The following UNC79 variants were observed in gnomAD, a reference collection of about 807,000 sequenced individuals.
UNC79 encodes the protein protein unc-79 homolog.
In UNC79, 37 loss-of-function variants were observed where a neutral mutation model predicts 283.1. The observed-to-expected ratio is 0.13, with a 90% confidence interval of 0.10 to 0.17. UNC79 has a LOEUF of 0.17. UNC79 is among the 10% of genes least tolerant of loss of function. UNC79 has a pLI of 1.00. For missense variants in UNC79, 2,272 were observed against 3,211.1 expected, an observed-to-expected ratio of 0.71 and a Z score of 7.07; for synonymous variants, 1,107 against 1,200.2, an observed-to-expected ratio of 0.92 and a Z score of 1.61.
At chr14:93,655,117 A>T in intron 37 of UNC79, 117 bp from the exon 41 acceptor site, 1 of 1,106,522 alleles carries the variant, frequency 9.0e-7, no homozygotes, top group Non-Finnish European at 1.3e-6. Context: ...CCTATGTAGT[A>T]GGCACTGAAC....
At chr14:93,420,833 A>C (rs1221511817) in intron 1 of UNC79, among the ~76,000 whole-genome samples, 2 of 151,784 alleles carry the variant, frequency 1.3e-5, no homozygotes, top group Non-Finnish European at 2.9e-5. Flanking sequence ...CGTGGAAATT[A>C]AGCAATATAC....
At chr14:93,598,615 G>T (rs1244839574) in intron 24 of UNC79, among the ~76,000 whole-genome samples, 1 of 151,828 alleles carries the variant, frequency 6.6e-6, no homozygotes, top group Middle Eastern at 3.2e-3. Context: ...TCCGCCTCCC[G>T]GGTTCAAGTG....
At chr14:93,538,662 G>A (rs2061206380) in intron 12 of UNC79, among the ~76,000 whole-genome samples, 6 of 152,026 alleles carry the variant, frequency 3.9e-5, no homozygotes, top group Admixed American at 3.9e-4. Context: ...GGCAACAAGG[G>A]CGAATTACCT....
rs1044730558 is a variant in UNC79, at chr14:93,531,175, T to C, written c.1094-1375T>C. Among the ~76,000 whole-genome samples the C allele has an allele frequency of 6.6e-6, 1 of 152,212 alleles. No individual in the cohort carries two copies. Among genetic ancestry groups the C allele is most frequent in the Non-Finnish European group, 1.5e-5 (1 of 68,038 alleles). On this transcript the variant is annotated intron_variant, in intron 10 of 48. Transcript: ENST00000555664. This position sits in a 1 kb window ranked among gnomAD's most constrained non-coding sequence, Gnocchi z 4.2. ...ATTGGCAATAACTTTTCATTACTTA[T>C]ACAGACATGTGACACTAACCTCAGA...
intron 37 of UNC79, among the ~76,000 whole-genome samples, chr14:93,654,474 AT>A (rs2070689598): frequency 1.5e-5 from 2 of 137,414 alleles, no homozygotes; most frequent in African/African-American, 6.4e-5. Context: ...CCAAGTTGTA[AT>A]GGCTACATTA....
At chr14:93,522,607 G>C (rs1410066127) in intron 7 of UNC79, among the ~76,000 whole-genome samples, 1 of 151,980 alleles carries the variant, frequency 6.6e-6, no homozygotes, top group African/African-American at 2.4e-5. Flanking sequence ...TACCATATAT[G>C]GGAAACTAAT....
intron 30 of UNC79, among the ~76,000 whole-genome samples, chr14:93,625,848 T>C: frequency 6.6e-6 from 1 of 152,214 alleles, no homozygotes; most frequent in African/African-American, 2.4e-5. Flanking sequence ...ATCAGATGAA[T>C]GTGACTGGGT....
At chr14:93,381,891 T>C (rs558773944) in intron 1 of UNC79, among the ~76,000 whole-genome samples, 1 of 152,266 alleles carries the variant, frequency 6.6e-6, no homozygotes, top group African/African-American at 2.4e-5. Context: ...TTGACTCTTA[T>C]CAGCCTGGCC....
rs989234232 is a variant in UNC79, at chr14:93,594,278, G to GT, written c.3190+450dup. ...GATGCCAGAAATTGAGGTTTTTTGT[G>GT]TTTTTTTTTGAGACAGAGTCTTGCT... is the stretch of plus-strand genomic sequence containing the variant. On this transcript the variant is annotated intron_variant, in intron 23 of 48. Transcript: ENST00000555664. 2.9e-3 allele frequency among the ~76,000 whole-genome samples: 431 copies of GT among 150,924 alleles called. 3 individuals carry two copies. Among genetic ancestry groups the GT allele is most frequent in the African/African-American group, 8.8e-3 (363 of 41,156 alleles).
chr14:93,360,343 T>C (rs1169754559), intron 1 of UNC79, among the ~76,000 whole-genome samples: 2 of 152,372 alleles, frequency 1.3e-5, no homozygotes, highest in East Asian at 3.9e-4. Flanking sequence ...ATTTGAAATA[T>C]ACAGAGGTGG....
At chr14:93,624,857 C>T (rs1006803139) in intron 30 of UNC79, among the ~76,000 whole-genome samples, 3 of 152,100 alleles carry the variant, frequency 2.0e-5, no homozygotes, top group African/African-American at 7.2e-5. Flanking sequence ...GAGGCCCATA[C>T]ACTTGCCCCT....
Position 93,690,281 on chromosome 14 carries a change from T to C in UNC79, c.7250T>C (p.Ile2417Thr), listed in dbSNP as rs200508872. Reference sequence around the variant, plus strand: ...GCAGACCATCTTATTGTTATCCTGATTGGATTTCCAGAGCAATCAAAGGTA... The same window carrying C: ...GCAGACCATCTTATTGTTATCCTGACTGGATTTCCAGAGCAATCAAAGGTA... The change falls in exon 45 of 49, where the codon ATT (isoleucine) becomes ACT (threonine). Residue 2417 changes from isoleucine (I) to threonine (T), a missense_variant. Physicochemically the swap from Ile to Thr is moderately conservative, Grantham distance 89 (BLOSUM62 -1). This residue lies in a region of UNC79 where 225 missense variants were observed against 334.2 expected (regional missense o/e 0.67). Coordinates refer to ENST00000555664, the Ensembl canonical transcript of UNC79. The surrounding 1 kb of genome is among the most constrained non-coding windows in gnomAD (Gnocchi z 4.3). 1.4e-5 allele frequency: 22 copies of C among 1,613,890 alleles called. No individual in the cohort carries two copies. Among genetic ancestry groups the C allele is most frequent in the Non-Finnish European group, 1.9e-5 (22 of 1,179,936 alleles).
intron 4 of UNC79, among the ~76,000 whole-genome samples, chr14:93,483,846 A>G (rs901408679): frequency 1.3e-5 from 2 of 152,110 alleles, no homozygotes; most frequent in Non-Finnish European, 2.9e-5. Context: ...AGCTTCATCT[A>G]TGTCCCTACA....
intron 29 of UNC79, 74 bp downstream of exon 30, chr14:93,618,428 T>C: frequency 4.3e-6 from 6 of 1,381,704 alleles, no homozygotes; most frequent in Non-Finnish European, 4.7e-6. Context: ...TCTTAGGAGA[T>C]AGAAGAGTGT....
intron 1 of UNC79, among the ~76,000 whole-genome samples, chr14:93,366,538 C>G (rs2054337571): frequency 6.6e-6 from 1 of 151,292 alleles, no homozygotes; most frequent in Non-Finnish European, 1.5e-5. Flanking sequence ...TTAGTGTAAG[C>G]AAATACTAAG....
chr14:93,500,017 G>C (rs2059205421), intron 7 of UNC79, among the ~76,000 whole-genome samples: 1 of 152,116 alleles, frequency 6.6e-6, no homozygotes, highest in African/African-American at 2.4e-5. Context: ...GGTGAGCAGA[G>C]AGGCTGATAG....
At chr14:93,494,843 G>C (rs1202185971) in intron 5 of UNC79, among the ~76,000 whole-genome samples, 1 of 152,290 alleles carries the variant, frequency 6.6e-6, no homozygotes, top group East Asian at 1.9e-4. Context: ...TTACTTAATA[G>C]GAAGTCCTGA....
intron 23 of UNC79, among the ~76,000 whole-genome samples, chr14:93,594,976 G>C (rs1358164215): frequency 6.6e-6 from 1 of 152,012 alleles, no homozygotes; most frequent in Non-Finnish European, 1.5e-5. Context: ...AGGAATCTCA[G>C]GGGCTAGTTA....
chr14:93,573,886 T>C (rs1223256035), intron 16 of UNC79, among the ~76,000 whole-genome samples: 1 of 152,102 alleles, frequency 6.6e-6, no homozygotes, highest in Non-Finnish European at 1.5e-5. Context: ...ACGCCTGTAG[T>C]CCCAGCTACT....
Sources: allele counts gnomAD v4.1 joint callset (sites outside exome capture counted in the v4.1 genomes callset), GRCh38; gene constraint gnomAD v4.1.1; regional missense constraint gnomAD v4.1.1; non-coding constraint Gnocchi (gnomAD v3.1); transcripts MANE v1.5; gene names NCBI Gene and HGNC (gene_info 2026-07-23, HGNC 2026-07-21).